VPS8: variants seen among roughly 807,000 people sequenced by gnomAD.
VPS8 encodes vacuolar protein sorting-associated protein 8 homolog.
In VPS8, 129 loss-of-function variants were observed where a neutral mutation model predicts 216.4. The ratio of observed to expected loss-of-function variants is 0.60; its 90% CI spans 0.52 to 0.69. VPS8 has a LOEUF of 0.69. Among genes scored for constraint, VPS8 ranks in the 30% least tolerant of loss-of-function variants. The probability of loss-of-function intolerance (pLI) is 0.00; values close to 1 mark genes in which losing one functional copy is unlikely to be tolerated. For missense variants in VPS8, 1,531 were observed against 1,683.5 expected, an observed-to-expected ratio of 0.91 and a Z score of 1.59; for synonymous variants, 571 against 565.4, an observed-to-expected ratio of 1.01 and a Z score of -0.14.
In VPS8 at chr3:184,812,174, G is replaced by A. The variant is rs1247259379; in HGVS notation, c.-140G>A. On this transcript the variant is annotated 5_prime_UTR_variant, in exon 1 of 48. Transcript: ENST00000625842. ...TGCGCGTGCGTGAGGCTAGAGCAGTGGGTGCGGTCACGTGGGCCGGCGGTC... is the reference window on the plus strand; with the variant it reads ...TGCGCGTGCGTGAGGCTAGAGCAGTAGGTGCGGTCACGTGGGCCGGCGGTC... The A allele has an allele frequency of 6.6e-6, 1 of 152,476 alleles. No homozygotes were observed. The highest frequency in any genetic ancestry group is 2.4e-5 in the African/African-American group (1 of 41,480). The allele number at this position is 152,476 out of a possible 1,614,324, so 9.4% of individuals were successfully genotyped here.
intron 46 of VPS8, among the ~76,000 whole-genome samples, chr3:185,043,212 T>C (rs1385895617): frequency 3.3e-5 from 5 of 152,204 alleles, no homozygotes; most frequent in Non-Finnish European, 7.3e-5. Flanking sequence ...AGACCTGTTA[T>C]CAAGAGTTAC....
At chr3:184,995,211 G>A (rs1435239989) in intron 43 of VPS8, among the ~76,000 whole-genome samples, 4 of 152,148 alleles carry the variant, frequency 2.6e-5, no homozygotes, top group Admixed American at 6.6e-5. Flanking sequence ...TTTTCTTAGC[G>A]TACTGCAGAG....
At chr3:184,849,706 A>G (rs1008655037) in intron 9 of VPS8, 4 of 522,006 alleles carry the variant, frequency 7.7e-6, no homozygotes, top group Non-Finnish European at 1.3e-5. Flanking sequence ...TGAGAACAAC[A>G]TTTAAAATCT....
chr3:184,896,931 G>A (rs1733602041), intron 23 of VPS8, among the ~76,000 whole-genome samples: 1 of 152,138 alleles, frequency 6.6e-6, no homozygotes, highest in African/African-American at 2.4e-5. Context: ...TGACAAGAAG[G>A]AATCAGTAAT....
At chr3:184,970,880 A>C (rs77920190) in intron 39 of VPS8, among the ~76,000 whole-genome samples, 33 of 152,166 alleles carry the variant, frequency 2.2e-4, no homozygotes, top group Non-Finnish European at 5.9e-5. Context: ...ACCAGGGTAA[A>C]AGTTGTGGTC....
chr3:184,934,605 A>C (rs895891808), intron 34 of VPS8, among the ~76,000 whole-genome samples: 4 of 152,214 alleles, frequency 2.6e-5, no homozygotes, highest in African/African-American at 9.7e-5. Flanking sequence ...TATTTCTACT[A>C]TGCCAAGAGT....
Position 184,898,449 on chromosome 3 carries a change from G to A in VPS8, c.2005-116G>A, listed in dbSNP as rs1733912419. The A allele has an allele frequency of 9.8e-6, 8 of 813,720 alleles. No individual in the cohort carries two copies. In the South Asian group the frequency reaches 1.2e-4, roughly 12 times the overall value. 50.4% of individuals were successfully genotyped at this position (813,720 alleles called of 1,614,324 possible). A position where few individuals can be genotyped will look rare whatever the true frequency, so the allele number is the denominator to read the frequency against. ...AGTACTTGAATTTCAGTTTTTATCA[G>A]AGAAGAAACAAGAAAAATTAGGGAA... On this transcript the variant is annotated intron_variant, in intron 23 of 47. Transcript: ENST00000625842.
Position 184,996,432 on chromosome 3 carries a change from A to T in VPS8, c.3767A>T (p.Asp1256Val), listed in dbSNP as rs1317302869. The change falls in exon 44 of 48, where the codon GAT becomes GTT. Residue 1256 changes from aspartate to valine, a missense_variant. This residue lies in a region of VPS8 where 1,318 missense variants were observed against 1,468.4 expected (regional missense o/e 0.90). Coordinates refer to ENST00000625842, the MANE Select transcript of VPS8 (RefSeq NM_001009921.3). ...ACCAGAGGACTGAATCCCAAACAAG[A>T]TTACTGCTCTATATGTTTGCAGCAG... ...SVTRGLNPKQ[D>V]YCSICLQQYK... is the part of the protein sequence containing the mutation. 5 of 1,613,804 alleles carry T rather than the reference A, an allele frequency of 3.1e-6. No individual in the cohort carries two copies. The South Asian group carries it at 5.5e-5, about 18-fold the overall frequency.
chr3:184,867,943 G>A, intron 17 of VPS8, 81 bp from the exon 18 acceptor site: 1 of 1,425,536 alleles, frequency 7.0e-7, no homozygotes, highest in Middle Eastern at 2.3e-4. Flanking sequence ...TATCAAATGA[G>A]ATGTGGGACT....
At chr3:184,824,149 G>A (rs1718206759) in intron 1 of VPS8, 1 of 154,086 alleles carries the variant, frequency 6.5e-6, no homozygotes, top group East Asian at 1.9e-4. Context: ...ATTTCCAGGG[G>A]AACTGGAGCA....
chr3:184,964,647 G>A (rs1747089095), intron 38 of VPS8, 90 bp downstream of exon 38: 1 of 746,686 alleles, frequency 1.3e-6, no homozygotes. Context: ...AAAGCCAGTT[G>A]CAGACCGTAA....
chr3:184,903,626 AT>A (rs1304824201), intron 25 of VPS8, among the ~76,000 whole-genome samples: 1 of 151,450 alleles, frequency 6.6e-6, no homozygotes, highest in African/African-American at 2.4e-5. Flanking sequence ...AAAAAAAAAA[AT>A]TCTCAAGACA....
intron 45 of VPS8, among the ~76,000 whole-genome samples, chr3:185,021,766 G>A (rs1015319063): frequency 1.3e-5 from 2 of 152,194 alleles, no homozygotes; most frequent in South Asian, 2.1e-4. Context: ...AACAAAACCT[G>A]CAACGTGGTC....
intron 8 of VPS8, among the ~76,000 whole-genome samples, chr3:184,847,593 C>T (rs972399223): frequency 6.6e-6 from 1 of 152,088 alleles, no homozygotes; most frequent in African/African-American, 2.4e-5. Flanking sequence ...GGGGAAGTTG[C>T]GAAAACTCCA....
intron 30 of VPS8, among the ~76,000 whole-genome samples, chr3:184,925,559 T>C (rs1739438538): frequency 6.6e-6 from 1 of 152,160 alleles, no homozygotes; most frequent in Non-Finnish European, 1.5e-5. Context: ...ATGAGGAAAC[T>C]GAAGCCTGGA....
chr3:184,840,855 CTT>C (rs1051029449), intron 7 of VPS8, among the ~76,000 whole-genome samples: 6 of 152,066 alleles, frequency 3.9e-5, no homozygotes, highest in Non-Finnish European at 5.9e-5. Context: ...AATCTACAGA[CTT>C]CTATATGGAT....
chr3:184,908,822 G>A (rs1015179562), intron 25 of VPS8, among the ~76,000 whole-genome samples: 3 of 152,226 alleles, frequency 2.0e-5, no homozygotes, highest in Non-Finnish European at 2.9e-5. Flanking sequence ...ACCCGAAGGC[G>A]GGCAAGTCCC....
At chr3:184,932,478 A>G (rs1484567096) in intron 34 of VPS8, among the ~76,000 whole-genome samples, 2 of 152,198 alleles carry the variant, frequency 1.3e-5, no homozygotes, top group East Asian at 1.9e-4. Context: ...AAACAAATGT[A>G]TAGCTTAATT....
intron 34 of VPS8, among the ~76,000 whole-genome samples, chr3:184,935,491 T>G (rs1437847266): frequency 1.3e-5 from 2 of 152,208 alleles, no homozygotes; most frequent in African/African-American, 4.8e-5. Flanking sequence ...TGAGTTTTAT[T>G]TAATAATACC....
Sources: allele counts gnomAD v4.1 joint callset (sites outside exome capture counted in the v4.1 genomes callset), GRCh38; gene constraint gnomAD v4.1.1; regional missense constraint gnomAD v4.1.1; transcripts MANE v1.5; gene names NCBI Gene and HGNC (gene_info 2026-07-23, HGNC 2026-07-21).